NEK1: variants seen among roughly 807,000 people sequenced by gnomAD.
NEK1 encodes serine/threonine-protein kinase Nek1.
A neutral mutation model predicts 182.1 loss-of-function variants in NEK1; 137 were observed. The ratio of observed to expected loss-of-function variants is 0.75; its 90% CI spans 0.65 to 0.87. The LOEUF (loss-of-function observed/expected upper bound fraction) is 0.87, where lower values mean the gene tolerates loss of function less well. NEK1 is among the 40% of genes least tolerant of loss of function. The probability of loss-of-function intolerance (pLI) is 0.00; values close to 1 mark genes in which losing one functional copy is unlikely to be tolerated. For synonymous variants in NEK1, 513 were observed against 492.2 expected (o/e 1.04, Z -0.56); for missense variants, 1,391 against 1,494.4 (o/e 0.93, Z 1.14).
chr4:169,457,167 TAAGTC>T (rs1239226194), intron 27 of NEK1, among the ~76,000 whole-genome samples: 1 of 148,110 alleles, frequency 6.8e-6, no homozygotes, highest in African/African-American at 2.7e-5. Flanking sequence ...TGACTAGAGT[TAAGTC>T]AAGAATAATA....
intron 11 of NEK1, among the ~76,000 whole-genome samples, chr4:169,578,384 T>G (rs986801305): frequency 1.3e-5 from 2 of 152,220 alleles, no homozygotes; most frequent in African/African-American, 4.8e-5. Context: ...CAGACTGCTC[T>G]CTAGCTCAGG....
At chr4:169,406,225 A>G (rs1579335453) in intron 32 of NEK1, among the ~76,000 whole-genome samples, 4 of 152,234 alleles carry the variant, frequency 2.6e-5, no homozygotes, top group Non-Finnish European at 5.9e-5. Context: ...TGTCCAACCC[A>G]CACTCCAGCT....
At chr4:169,445,541 G>C (rs555109247) in intron 27 of NEK1, among the ~76,000 whole-genome samples, 1 of 152,048 alleles carries the variant, frequency 6.6e-6, no homozygotes, top group East Asian at 1.9e-4. Context: ...TGGAGCTGGA[G>C]GCCATTATCC....
At chr4:169,564,189 C>T (rs1049913912) in intron 12 of NEK1, among the ~76,000 whole-genome samples, 2 of 151,870 alleles carry the variant, frequency 1.3e-5, no homozygotes, top group African/African-American at 2.4e-5. Context: ...TATCATGTAC[C>T]AGTGTTTACA....
At chr4:169,517,136 G>A (rs993943242) in intron 19 of NEK1, among the ~76,000 whole-genome samples, 1 of 4,208 alleles carries the variant, frequency 2.4e-4, no homozygotes, top group Non-Finnish European at 3.4e-4. Context: ...CTACCCTTGA[G>A]CATGGAATGT....
intron 2 of NEK1, among the ~76,000 whole-genome samples, chr4:169,606,513 G>T (rs761248471): frequency 2.0e-5 from 3 of 152,052 alleles, no homozygotes; most frequent in Non-Finnish European, 4.4e-5. Context: ...AAGTACTGGG[G>T]CATCTAAGAG....
chr4:169,566,762 T>G (rs1278229240), intron 12 of NEK1, among the ~76,000 whole-genome samples: 3 of 152,152 alleles, frequency 2.0e-5, no homozygotes, highest in Non-Finnish European at 2.9e-5. Context: ...AAAGATGCTT[T>G]AATTTCCAGG....
chr4:169,539,707 A>T (rs761616270), intron 18 of NEK1, among the ~76,000 whole-genome samples: 1 of 152,192 alleles, frequency 6.6e-6, no homozygotes, highest in Non-Finnish European at 1.5e-5. Flanking sequence ...TATGATGCTC[A>T]GACATGTCAT....
At chr4:169,524,886 C>T (rs1388845004) in intron 19 of NEK1, among the ~76,000 whole-genome samples, 1 of 152,206 alleles carries the variant, frequency 6.6e-6, no homozygotes, top group African/African-American at 2.4e-5. Context: ...TACACATTGT[C>T]TACAGCTGCT....
intron 31 of NEK1, among the ~76,000 whole-genome samples, chr4:169,409,301 C>T (rs1271215836): frequency 2.6e-5 from 4 of 152,020 alleles, no homozygotes; most frequent in Non-Finnish European, 5.9e-5. Context: ...CCCTACACCA[C>T]GCCCAGCTAA....
chr4:169,413,151 A>G (rs1306560726), intron 31 of NEK1, among the ~76,000 whole-genome samples: 1 of 143,190 alleles, frequency 7.0e-6, no homozygotes, highest in African/African-American at 2.6e-5. Flanking sequence ...ATAGTTATTA[A>G]TATTTAAATA....
chr4:169,588,883 G>T, intron 7 of NEK1, 148 bp from the exon 8 acceptor site: 1 of 621,502 alleles, frequency 1.6e-6, no homozygotes, highest in Non-Finnish European at 2.9e-6. Flanking sequence ...CTAGTGACAC[G>T]GTGACTGACA....
intron 23 of NEK1, among the ~76,000 whole-genome samples, chr4:169,501,191 C>G (rs1316069858): frequency 6.6e-6 from 1 of 152,140 alleles, no homozygotes. Flanking sequence ...TTCAATTAAA[C>G]AAGAGGATTT....
At chr4:169,574,066 G>A (rs1022309843) in intron 12 of NEK1, among the ~76,000 whole-genome samples, 4 of 152,144 alleles carry the variant, frequency 2.6e-5, no homozygotes, top group Admixed American at 2.6e-4. Context: ...AGTTGAGGAG[G>A]TGGATTGCTT....
chr4:169,510,172 T>C (rs1753947737), intron 19 of NEK1, among the ~76,000 whole-genome samples: 1 of 152,200 alleles, frequency 6.6e-6, no homozygotes, highest in South Asian at 2.1e-4. Flanking sequence ...GAGTTTCATT[T>C]GCTGGCCCTC....
chr4:169,447,446 G>A (rs970865165), intron 27 of NEK1, among the ~76,000 whole-genome samples: 10 of 152,252 alleles, frequency 6.6e-5, no homozygotes, highest in African/African-American at 2.2e-4. Flanking sequence ...GGACAATAAT[G>A]AGTAATAAGA....
intron 18 of NEK1, among the ~76,000 whole-genome samples, chr4:169,544,880 A>G (rs899137839): frequency 2.1e-5 from 3 of 144,116 alleles, no homozygotes; most frequent in African/African-American, 7.7e-5. Flanking sequence ...TCTTTTCTTC[A>G]TTAGTCTTGC....
intron 11 of NEK1, among the ~76,000 whole-genome samples, chr4:169,580,397 T>C (rs1420501875): frequency 6.8e-6 from 1 of 147,026 alleles, no homozygotes; most frequent in Middle Eastern, 3.4e-3. Context: ...ACTCGGAGGC[T>C]GAGGCAAGAG....
intron 19 of NEK1, among the ~76,000 whole-genome samples, chr4:169,509,219 C>CTA (rs749946078): frequency 6.6e-6 from 1 of 151,978 alleles, no homozygotes; most frequent in Non-Finnish European, 1.5e-5. Context: ...CGACATATGT[C>CTA]TATATATATA....
Sources: gnomAD v4.1 joint callset for allele counts (sites outside exome capture counted in the v4.1 genomes callset) on GRCh38, gnomAD v4.1.1 for gene constraint, MANE v1.5 for transcripts, NCBI Gene and HGNC (gene_info 2026-07-23, HGNC 2026-07-21) for gene names.